Variants in SHTN1 observed in about 807,000 individuals in gnomAD.
SHTN1 encodes shootin-1.
In SHTN1, 42 loss-of-function variants were observed where a neutral mutation model predicts 83.1. The ratio of observed to expected loss-of-function variants is 0.51; its 90% CI spans 0.39 to 0.65. SHTN1 has a LOEUF of 0.65. SHTN1 is among the 30% of genes least tolerant of loss of function. The probability of loss-of-function intolerance (pLI) is 0.00; values close to 1 mark genes in which losing one functional copy is unlikely to be tolerated. For synonymous variants in SHTN1, 224 were observed against 247.7 expected, an observed-to-expected ratio of 0.90 and a Z score of 0.90; for missense variants, 622 against 737.8, an observed-to-expected ratio of 0.84 and a Z score of 1.82.
intron 1 of SHTN1, 131 bp downstream of exon 1, chr10:117,004,891 G>A: frequency 1.4e-6 from 1 of 704,856 alleles, no homozygotes; most frequent in Non-Finnish European, 2.2e-6. Flanking sequence ...GCGGGTGACG[G>A]AGCTACTGCG....
intron 16 of SHTN1, among the ~76,000 whole-genome samples, chr10:116,892,807 T>C (rs1847378671): frequency 6.6e-6 from 1 of 152,208 alleles, no homozygotes; most frequent in Non-Finnish European, 1.5e-5. Flanking sequence ...TAGCTTCTTC[T>C]ATTTGAATAA....
chr10:117,036,474 T>C (rs1852498746), intron 2 of SHTN1, among the ~76,000 whole-genome samples: 1 of 152,200 alleles, frequency 6.6e-6, no homozygotes. Flanking sequence ...AATGAGATCC[T>C]GTCATTTGCA....
At chr10:117,005,666 G>C (rs111793523), upstream of SHTN1, 1,087 of 815,908 alleles carry the variant, frequency 1.3e-3, 10 homozygotes, top group African/African-American at 0.019. Flanking sequence ...ACAGGGGCGG[G>C]CCCAGGGTGG....
chr10:116,951,012 C>T (rs1383689633), intron 6 of SHTN1, among the ~76,000 whole-genome samples: 5 of 152,166 alleles, frequency 3.3e-5, no homozygotes, highest in African/African-American at 1.2e-4. Flanking sequence ...TGCTGGGCTA[C>T]AGAATCTAAG....
chr10:116,994,599 T>C (rs1480715854), intron 1 of SHTN1, among the ~76,000 whole-genome samples: 2 of 152,126 alleles, frequency 1.3e-5, no homozygotes, highest in Admixed American at 1.3e-4. Context: ...TATTGGGTCT[T>C]TGATTACTTT....
At chr10:117,094,502 T>C (rs1431530809) in intron 1 of SHTN1, among the ~76,000 whole-genome samples, 2 of 152,172 alleles carry the variant, frequency 1.3e-5, no homozygotes, top group Non-Finnish European at 2.9e-5. Context: ...ATTTGGTACT[T>C]CTTGGTTATT....
intron 16 of SHTN1, among the ~76,000 whole-genome samples, chr10:116,891,318 C>T (rs746814661): frequency 9.9e-5 from 15 of 152,276 alleles, no homozygotes; most frequent in Middle Eastern, 3.4e-3. Flanking sequence ...TCTTTCAAAT[C>T]GCAACAGCTG....
chr10:116,979,335 A>G, intron 1 of SHTN1, 27 bp from the exon 2 acceptor site: 1 of 1,603,032 alleles, frequency 6.2e-7, no homozygotes, highest in Non-Finnish European at 8.5e-7. Context: ...AAGCAACATT[A>G]CAACACTGTC....
chr10:117,110,288 G>A (rs758270488), intron 1 of SHTN1, among the ~76,000 whole-genome samples: 3 of 152,178 alleles, frequency 2.0e-5, no homozygotes, highest in Non-Finnish European at 4.4e-5. Flanking sequence ...TTCACACATT[G>A]CTGTCAAAAT....
Position 117,113,185 on chromosome 10 carries a change from TAC to T in SHTN1, c.-189+13120_-189+13121del, listed in dbSNP as rs1163753029. ...AGAGGAGCCATTCTTTGAGAAAGCC[TAC>T]ACCTTTCATTCCTAATTCTCTTTGA... On this transcript the variant is annotated intron_variant, in intron 1 of 17. Transcript: ENST00000392901. Among the ~76,000 whole-genome samples, 5 of 152,246 alleles carry T rather than the reference TAC, an allele frequency of 3.3e-5. No homozygotes were observed. The East Asian group carries it at 9.6e-4, about 29-fold the overall frequency.
chr10:117,097,028 T>TAGACACACACAC (rs1229616567), intron 1 of SHTN1, among the ~76,000 whole-genome samples: 1 of 98,466 alleles, frequency 1.0e-5, no homozygotes, highest in South Asian at 3.8e-4. Flanking sequence ...CACACACACA[T>TAGACACACACAC]AGACACACAC....
At chr10:117,015,090 T>TC (rs34626508) in intron 2 of SHTN1, among the ~76,000 whole-genome samples, 1 of 152,180 alleles carries the variant, frequency 6.6e-6, no homozygotes, top group Non-Finnish European at 1.5e-5. Flanking sequence ...ATTTTTTTTT[T>TC]CCCTGACTGA....
intron 9 of SHTN1, among the ~76,000 whole-genome samples, chr10:116,937,672 G>GGTGTTTTCT (rs1319048373): frequency 6.6e-6 from 1 of 151,980 alleles, no homozygotes; most frequent in Admixed American, 6.6e-5. Flanking sequence ...GTATCTTTGT[G>GGTGTTTTCT]GTGTTTTCTG....
chr10:116,904,019 A>G (rs1847860265), intron 15 of SHTN1, among the ~76,000 whole-genome samples: 1 of 152,220 alleles, frequency 6.6e-6, no homozygotes, highest in South Asian at 2.1e-4. Context: ...AATCCTAAGG[A>G]AAAGGGTACA....
chr10:117,016,558 C>T (rs1468149689), intron 2 of SHTN1, among the ~76,000 whole-genome samples: 2 of 152,138 alleles, frequency 1.3e-5, no homozygotes, highest in Non-Finnish European at 2.9e-5. Context: ...GGGCGTGTGC[C>T]ACCACGCCCG....
intron 1 of SHTN1, among the ~76,000 whole-genome samples, chr10:117,065,918 A>T (rs2133599621): frequency 7.4e-6 from 1 of 134,892 alleles, no homozygotes; most frequent in African/African-American, 2.8e-5. Flanking sequence ...GGGGGGAAAA[A>T]TTAGGCTGGG....
intron 2 of SHTN1, among the ~76,000 whole-genome samples, chr10:117,039,934 C>A (rs1852559651): frequency 6.6e-6 from 1 of 151,492 alleles, no homozygotes; most frequent in Non-Finnish European, 1.5e-5. Flanking sequence ...CTCTTACATT[C>A]CATTCAATTT....
At chr10:116,922,055 T>C (rs1302469233) in intron 11 of SHTN1, among the ~76,000 whole-genome samples, 2 of 152,190 alleles carry the variant, frequency 1.3e-5, no homozygotes, top group Admixed American at 6.5e-5. Flanking sequence ...AATTTGACTA[T>C]ACTAAAATTT....
intron 1 of SHTN1, among the ~76,000 whole-genome samples, chr10:117,085,019 T>C (rs935144392): frequency 3.9e-5 from 6 of 152,186 alleles, no homozygotes; most frequent in Non-Finnish European, 8.8e-5. Context: ...GGCTGGGAGC[T>C]GTAGACCAGA....
Sources: gnomAD v4.1 joint callset for allele counts (sites outside exome capture counted in the v4.1 genomes callset) on GRCh38, gnomAD v4.1.1 for gene constraint, MANE v1.5 for transcripts, NCBI Gene and HGNC (gene_info 2026-07-23, HGNC 2026-07-21) for gene names.